Variants in NTN1 observed in about 807,000 individuals in gnomAD.
NTN1 encodes the protein netrin 1.
A neutral mutation model predicts 54.2 loss-of-function variants in NTN1; 11 were observed. The ratio of observed to expected loss-of-function variants is 0.20; its 90% CI spans 0.13 to 0.34. The LOEUF is 0.34. Among genes scored for constraint, NTN1 ranks in the 10% least tolerant of loss-of-function variants. The pLI, the probability that NTN1 is intolerant of heterozygous loss-of-function variation, is 1.00. For synonymous variants in NTN1, 371 were observed against 382.0 expected (o/e 0.97, Z 0.33); for missense variants, 740 against 893.1 (o/e 0.83, Z 2.18).
intron 2 of NTN1, among the ~76,000 whole-genome samples, chr17:9,131,239 A>G (rs971703762): frequency 6.6e-6 from 1 of 152,080 alleles, no homozygotes; most frequent in Admixed American, 6.6e-5. Flanking sequence ...ACCTTTTCCA[A>G]CACTCAGCAT....
intron 2 of NTN1, among the ~76,000 whole-genome samples, chr17:9,070,548 G>A (rs2092028835): frequency 2.7e-5 from 4 of 150,110 alleles, no homozygotes; most frequent in African/African-American, 1.0e-4. Flanking sequence ...CCTACTTGTC[G>A]GGTGCTGTTG....
intron 5 of NTN1, among the ~76,000 whole-genome samples, chr17:9,213,638 T>C (rs1051749743): frequency 1.5e-4 from 23 of 152,246 alleles, no homozygotes; most frequent in African/African-American, 5.3e-4. Flanking sequence ...AAACTGCTTT[T>C]TTAAAGTTGC....
intron 5 of NTN1, among the ~76,000 whole-genome samples, chr17:9,213,419 G>A (rs144170823): frequency 5.3e-5 from 8 of 152,322 alleles, no homozygotes; most frequent in South Asian, 2.1e-4. Flanking sequence ...GCAGCAGGGC[G>A]TTCTGCCTAC....
At chr17:9,202,400 C>G (rs1484689349) in intron 5 of NTN1, among the ~76,000 whole-genome samples, 1 of 152,168 alleles carries the variant, frequency 6.6e-6, no homozygotes, top group Non-Finnish European at 1.5e-5. Context: ...TTTGTGAGGG[C>G]AGCTGCGTCT....
rs8065576 is a variant in NTN1 at position 9,086,667 on chromosome 17, A to G, written c.1018+63276A>G. ...ACCACCTACCTTCATGATCACCATC[A>G]TCACCATTGATGTCATCATCATCAT... On this transcript the variant is annotated intron_variant, in intron 2 of 6. Coordinates refer to ENST00000173229, the MANE Select transcript of NTN1 (RefSeq NM_004822.3). Among the ~76,000 whole-genome samples, 1,004 of 152,320 alleles carry G rather than the reference A, an allele frequency of 6.6e-3. 12 individuals are homozygous for G. Among genetic ancestry groups the G allele is most frequent in the African/African-American group, 0.023 (964 of 41,570 alleles).
At position 9,230,004 on chromosome 17, in the gene NTN1, C is replaced by T. The variant is rs114403551; in HGVS notation, c.1486+8762C>T. ...AGCCGGGGAGGGGAGGGTCTCACCACTCCCGCCTCTTGTCTCCAGCTAGCC... is the reference window on the plus strand; with the variant it reads ...AGCCGGGGAGGGGAGGGTCTCACCATTCCCGCCTCTTGTCTCCAGCTAGCC... On this transcript the variant is annotated intron_variant, in intron 6 of 6. Coordinates refer to ENST00000173229, the MANE Select transcript of NTN1 (RefSeq NM_004822.3). Among the ~76,000 whole-genome samples, 1,377 of 152,142 alleles carry T rather than the reference C, an allele frequency of 9.1e-3. 18 individuals are homozygous for T. Among genetic ancestry groups the T allele is most frequent in the African/African-American group, 0.031 (1,278 of 41,466 alleles).
intron 2 of NTN1, among the ~76,000 whole-genome samples, chr17:9,034,969 C>T (rs541042747): frequency 4.6e-5 from 7 of 151,674 alleles, no homozygotes; most frequent in East Asian, 2.0e-4. Flanking sequence ...TTTTTTGAGA[C>T]GGAGTTTCGC....
At chr17:9,071,674 G>A (rs993756213) in intron 2 of NTN1, among the ~76,000 whole-genome samples, 7 of 152,196 alleles carry the variant, frequency 4.6e-5, no homozygotes, top group African/African-American at 1.7e-4. Context: ...GACCCTGCCC[G>A]CATGCCCTTT....
At chr17:9,199,420 G>T (rs1904723687) in intron 5 of NTN1, among the ~76,000 whole-genome samples, 1 of 152,220 alleles carries the variant, frequency 6.6e-6, no homozygotes, top group Non-Finnish European at 1.5e-5. Context: ...GGGATTACAG[G>T]CATGAGCCAT....
chr17:9,239,903 A>G lies in NTN1; in HGVS notation c.1750A>G (p.Thr584Ala). 1 of 1,363,118 alleles carries G rather than the reference A, an allele frequency of 7.3e-7. No individual in the cohort carries two copies. The highest frequency in any genetic ancestry group is 9.7e-7 in the Non-Finnish European group (1 of 1,025,672). The allele number at this position is 1,363,118 out of a possible 1,614,324, so 84.4% of individuals were successfully genotyped here. A position where few individuals can be genotyped will look rare whatever the true frequency, so the allele number is the denominator to read the frequency against. ...KSSLVIQWRD[T>A]WARRLRKFQQ... is the part of the protein sequence containing the mutation. ...CAGCCTGGTGATCCAGTGGCGGGACACGTGGGCGCGGCGGCTGCGCAAGTT... is the reference window on the plus strand; with the variant it reads ...CAGCCTGGTGATCCAGTGGCGGGACGCGTGGGCGCGGCGGCTGCGCAAGTT... The change falls in exon 7 of 7, where the codon ACG becomes GCG. Residue 584 changes from threonine to alanine, a missense_variant. By Grantham distance (58) the Thr-to-Ala change is moderately conservative (BLOSUM62 0). Transcript: ENST00000173229. The surrounding 1 kb of genome is among the most constrained non-coding windows in gnomAD (Gnocchi z 5.2).
rs138017431 is a variant in NTN1, at chr17:9,090,571, AAG to A, written c.1018+67183_1018+67184del. Among the ~76,000 whole-genome samples, 226 of 152,204 alleles carry A rather than the reference AAG, an allele frequency of 1.5e-3. 5 individuals are homozygous for A. In the East Asian group the frequency reaches 0.037, roughly 25 times the overall value. Reference sequence around the variant, plus strand: ...ATGTTTCTGGTCATTTAGGAGCAGAAAGAGGGGGATACAGATGCCGGTTTATA... The same window carrying A: ...ATGTTTCTGGTCATTTAGGAGCAGAAAGGGGGATACAGATGCCGGTTTATA... On this transcript the variant is annotated intron_variant, in intron 2 of 6. Coordinates refer to ENST00000173229, the MANE Select transcript of NTN1 (RefSeq NM_004822.3).
At chr17:9,014,357 T>C in the NTN1 span, among the ~76,000 whole-genome samples, 1 of 151,260 alleles carries the variant, frequency 6.6e-6, no homozygotes, top group African/African-American at 2.5e-5. Context: ...ATTATACATA[T>C]GAAAAAAAGC....
chr17:9,213,133 G>A (rs1049667995), intron 5 of NTN1, among the ~76,000 whole-genome samples: 1 of 152,202 alleles, frequency 6.6e-6, no homozygotes, highest in African/African-American at 2.4e-5. Flanking sequence ...GGGAGGGTAG[G>A]CTGCTCCCAG....
At chr17:9,105,987 T>C (rs527891553) in intron 2 of NTN1, among the ~76,000 whole-genome samples, 1 of 151,970 alleles carries the variant, frequency 6.6e-6, no homozygotes, top group African/African-American at 2.4e-5. Flanking sequence ...GACCAGCTAC[T>C]CCCAAAGCAT....
At chr17:9,125,255 T>G (rs2092243179) in intron 2 of NTN1, among the ~76,000 whole-genome samples, 1 of 150,750 alleles carries the variant, frequency 6.6e-6, no homozygotes, top group African/African-American at 2.4e-5. Flanking sequence ...AGACGTAGTT[T>G]CACTCTTGTC....
intron 2 of NTN1, 23 bp from the exon 3 acceptor site, chr17:9,162,790 C>T (rs751514350): frequency 3.1e-6 from 5 of 1,590,304 alleles, no homozygotes. Context: ...GCGGCTGACA[C>T]CTCTCTCTGT....
chr17:9,210,633 C>T (rs938854879), intron 5 of NTN1, among the ~76,000 whole-genome samples: 4 of 152,034 alleles, frequency 2.6e-5, no homozygotes, highest in Admixed American at 2.0e-4. Flanking sequence ...CTCACCTCGG[C>T]CGGTCGCTCA....
At chr17:9,067,015 A>AAAAAG (rs2092017252) in intron 2 of NTN1, among the ~76,000 whole-genome samples, 2 of 148,288 alleles carry the variant, frequency 1.3e-5, no homozygotes, top group South Asian at 2.1e-4. Context: ...AAAAAAAAAA[A>AAAAAG]GGCACATTGA....
chr17:9,193,095 AGAAAAAG>A (rs1904512227), intron 5 of NTN1, among the ~76,000 whole-genome samples: 6 of 135,530 alleles, frequency 4.4e-5, no homozygotes, highest in Non-Finnish European at 4.9e-5. Context: ...AAAAAAAAAA[AGAAAAAG>A]AAAAAAAAGC....
Sources: allele counts gnomAD v4.1 joint callset (sites outside exome capture counted in the v4.1 genomes callset), GRCh38; gene constraint gnomAD v4.1.1; non-coding constraint Gnocchi (gnomAD v3.1); transcripts MANE v1.5; gene names NCBI Gene and HGNC (gene_info 2026-07-23, HGNC 2026-07-21).